The following KCTD16 variants were observed in gnomAD, a reference collection of about 807,000 sequenced individuals.
KCTD16 encodes potassium channel tetramerization domain containing 16, also known as BTB/POZ domain-containing protein KCTD16.
A neutral mutation model predicts 33.2 loss-of-function variants in KCTD16; 13 were observed. The ratio of observed to expected loss-of-function variants is 0.39; its 90% CI spans 0.25 to 0.62. The LOEUF (loss-of-function observed/expected upper bound fraction) is 0.62. KCTD16 is among the 20% of genes least tolerant of loss of function. The pLI is 0.50. For missense variants in KCTD16, 441 were observed against 525.1 expected, an observed-to-expected ratio of 0.84 and a Z score of 1.57; for synonymous variants, 197 against 195.3, an observed-to-expected ratio of 1.01 and a Z score of -0.07.
intron 3 of KCTD16, among the ~76,000 whole-genome samples, chr5:144,217,078 A>C (rs1188981128): frequency 6.6e-6 from 1 of 152,158 alleles, no homozygotes; most frequent in East Asian, 1.9e-4. Flanking sequence ...TGGAATTAAA[A>C]CCAAGGGAAT....
intron 3 of KCTD16, among the ~76,000 whole-genome samples, chr5:144,405,391 G>T (rs1196040204): frequency 6.6e-6 from 1 of 152,124 alleles, no homozygotes; most frequent in Non-Finnish European, 1.5e-5. Context: ...ACTTTTCTAG[G>T]ACCCTGCAAT....
intron 3 of KCTD16, among the ~76,000 whole-genome samples, chr5:144,282,238 C>A (rs1561552757): frequency 6.6e-6 from 1 of 152,088 alleles, no homozygotes; most frequent in Non-Finnish European, 1.5e-5. Flanking sequence ...GTAATGGAGC[C>A]TCTATAAAAC....
intron 3 of KCTD16, among the ~76,000 whole-genome samples, chr5:144,316,288 G>A (rs983372394): frequency 6.6e-6 from 1 of 152,088 alleles, no homozygotes; most frequent in Non-Finnish European, 1.5e-5. Context: ...GGGAAACCGA[G>A]CTTGTAGGTG....
chr5:144,405,643 G>A (rs757212338), intron 3 of KCTD16, among the ~76,000 whole-genome samples: 1 of 152,182 alleles, frequency 6.6e-6, no homozygotes, highest in Non-Finnish European at 1.5e-5. Context: ...CAGCTCACCA[G>A]ATAGCTCTGA....
At chr5:144,321,767 T>C (rs969073629) in intron 3 of KCTD16, among the ~76,000 whole-genome samples, 1 of 152,210 alleles carries the variant, frequency 6.6e-6, no homozygotes, top group Non-Finnish European at 1.5e-5. Context: ...TGAGCCATTA[T>C]TAATTTGTTT....
At position 144,476,464 on chromosome 5, in the gene KCTD16, A is replaced by C. The variant is rs1393562696; in HGVS notation, c.*2350A>C. On this transcript the variant is annotated 3_prime_UTR_variant, in exon 4 of 4. Transcript: ENST00000512467. ...CGTGGCAGTGTTCCTCTGACCCCTG[A>C]CCTGTCATGAGTTTTCTCTGCTCTG... is the stretch of plus-strand genomic sequence containing the variant. 6.6e-6 allele frequency: 1 copy of C among 152,168 alleles called. No individual in the cohort carries two copies. Among genetic ancestry groups the C allele is most frequent in the East Asian group, 1.9e-4 (1 of 5,186 alleles). 9.4% of individuals were successfully genotyped at this position (152,168 alleles called of 1,614,324 possible).
intron 3 of KCTD16, among the ~76,000 whole-genome samples, chr5:144,412,334 T>G (rs1752950660): frequency 6.6e-6 from 1 of 152,144 alleles, no homozygotes. Flanking sequence ...GGAAAATCAT[T>G]AAGCCATAAA....
chr5:144,412,315 G>A (rs1027154411), intron 3 of KCTD16, among the ~76,000 whole-genome samples: 1 of 152,112 alleles, frequency 6.6e-6, no homozygotes, highest in African/African-American at 2.4e-5. Flanking sequence ...TGTGGTAAAT[G>A]TACCCAATGG....
intron 2 of KCTD16, among the ~76,000 whole-genome samples, chr5:144,199,748 C>A (rs908725408): frequency 8.3e-6 from 1 of 120,364 alleles, no homozygotes; most frequent in Non-Finnish European, 1.6e-5. Flanking sequence ...GACAGAGTCT[C>A]GCTTTGTCAT....
intron 3 of KCTD16, among the ~76,000 whole-genome samples, chr5:144,355,199 GACA>G (rs1376047595): frequency 6.6e-6 from 1 of 152,054 alleles, no homozygotes; most frequent in African/African-American, 2.4e-5. Context: ...ATTTTCAGAT[GACA>G]ACAATATCAA....
Position 144,474,039 on chromosome 5 carries a change from A to T in KCTD16, c.1212A>T (p.Lys404Asn), listed in dbSNP as rs748487086. ...ELEKCIQDFLKIKIPDRFPER... is the reference protein window; with the variant it reads ...ELEKCIQDFLNIKIPDRFPER... Reference sequence around the variant, plus strand: ...AGAAATGTATCCAGGATTTCCTAAAAATCAAAATTCCAGATCGGTTTCCTG... The same window carrying T: ...AGAAATGTATCCAGGATTTCCTAAATATCAAAATTCCAGATCGGTTTCCTG... The change falls in exon 4 of 4, where the codon AAA becomes AAT. Residue 404 changes from lysine to asparagine, a missense_variant. By Grantham distance (94) the Lys-to-Asn change is moderately conservative. Coordinates refer to ENST00000512467, the MANE Select transcript of KCTD16 (RefSeq NM_020768.4). The T allele has an allele frequency of 6.2e-6, 10 of 1,614,056 alleles. No individual in the cohort carries two copies. Among genetic ancestry groups the T allele is most frequent in the Non-Finnish European group, 5.1e-6 (6 of 1,180,002 alleles).
intron 3 of KCTD16, among the ~76,000 whole-genome samples, chr5:144,260,145 C>T (rs1299984952): frequency 6.6e-6 from 1 of 152,210 alleles, no homozygotes; most frequent in South Asian, 2.1e-4. Context: ...TCATGCAGTT[C>T]GTGTATGAGC....
Position 144,481,221 on chromosome 5 carries a change from G to A in KCTD16, c.*7107G>A, listed in dbSNP as rs570324143. ...CAGTTTACATGATCCTGTTAAAGAT[G>A]TTTCCCAAGCTGATCAACAGTAGAC... On this transcript the variant is annotated 3_prime_UTR_variant, in exon 4 of 4. Coordinates refer to ENST00000512467, the MANE Select transcript of KCTD16 (RefSeq NM_020768.4). The A allele has an allele frequency of 6.6e-6, 1 of 152,070 alleles. No homozygotes were observed. Among genetic ancestry groups the A allele is most frequent in the East Asian group, 1.9e-4 (1 of 5,154 alleles). 9.4% of individuals were successfully genotyped at this position (152,070 alleles called of 1,614,324 possible).
chr5:144,397,799 T>C (rs1752608545), intron 3 of KCTD16, among the ~76,000 whole-genome samples: 1 of 152,332 alleles, frequency 6.6e-6, no homozygotes, highest in African/African-American at 2.4e-5. Flanking sequence ...ACTACGAGGC[T>C]GAATTCACTT....
At chr5:144,178,854 G>A (rs1196191877) in intron 2 of KCTD16, among the ~76,000 whole-genome samples, 1 of 151,952 alleles carries the variant, frequency 6.6e-6, no homozygotes, top group African/African-American at 2.4e-5. Context: ...GAAATTAAAT[G>A]TCTCAACTTC....
rs1647843520 is a variant in KCTD16, at chr5:144,484,640, A to C, written c.*10526A>C. On this transcript the variant is annotated 3_prime_UTR_variant, in exon 4 of 4. Transcript: ENST00000512467. The stretch of plus-strand genomic sequence containing the variant: ...TGTGACATCTGTTTCTGATGCTGTG[A>C]ATGTGATGTCACCACAAATAGAGGA... 6.6e-6 allele frequency: 1 copy of C among 151,962 alleles called. No individual in the cohort carries two copies. The highest frequency in any genetic ancestry group is 1.5e-5 in the Non-Finnish European group (1 of 67,922). 9.4% of individuals were successfully genotyped at this position (151,962 alleles called of 1,614,324 possible).
At chr5:144,322,184 G>C (rs1322672971) in intron 3 of KCTD16, among the ~76,000 whole-genome samples, 1 of 152,034 alleles carries the variant, frequency 6.6e-6, no homozygotes, top group African/African-American at 2.4e-5. Flanking sequence ...TCCTTATTTA[G>C]ATTATGATTA....
At chr5:144,393,058 G>T (rs1039738566) in intron 3 of KCTD16, among the ~76,000 whole-genome samples, 1 of 152,066 alleles carries the variant, frequency 6.6e-6, no homozygotes, top group Non-Finnish European at 1.5e-5. Context: ...ACACATATGA[G>T]GATACTATAA....
Position 144,207,110 on chromosome 5 carries a change from T to A in KCTD16, c.396T>A (p.Asp132Glu). ...CCGATGAAATCAAGCAAAGCCCAGA[T>A]GAATTCTGCCACAGTGACTTTGAAG... The part of the protein sequence containing the change: ...LTPDEIKQSP[D>E]EFCHSDFEDA... Residue 132 changes from aspartate (D) to glutamate (E), a missense_variant, in exon 3 of 4, where the codon GAT (aspartate) becomes GAA (glutamate). Physicochemically the swap from Asp to Glu is conservative, Grantham distance 45. This residue lies in a region of KCTD16 where 355 missense variants were observed against 413.0 expected (regional missense o/e 0.86). Transcript: ENST00000512467. 1 of 1,610,874 alleles carries A rather than the reference T, an allele frequency of 6.2e-7. No individual in the cohort carries two copies. Among genetic ancestry groups the A allele is most frequent in the Non-Finnish European group, 8.5e-7 (1 of 1,178,532 alleles).
Sources: allele counts gnomAD v4.1 joint callset (sites outside exome capture counted in the v4.1 genomes callset), GRCh38; gene constraint gnomAD v4.1.1; regional missense constraint gnomAD v4.1.1; transcripts MANE v1.5; gene names NCBI Gene and HGNC (gene_info 2026-07-23, HGNC 2026-07-21).